The following CCNH variants were observed in gnomAD, a reference collection of about 807,000 sequenced individuals.
The protein encoded by CCNH is cyclin H, also known as cyclin-H.
A neutral mutation model predicts 41.9 loss-of-function variants in CCNH; 31 were observed. The ratio of observed to expected loss-of-function variants is 0.74; its 90% CI spans 0.56 to 1.00. The LOEUF is 1.00. Among genes scored for constraint, CCNH ranks in the 50% least tolerant of loss-of-function variants. CCNH has a pLI of 0.00. For synonymous variants in CCNH, 138 were observed against 136.1 expected, an observed-to-expected ratio of 1.01 and a Z score of -0.10; for missense variants, 362 against 388.4, an observed-to-expected ratio of 0.93 and a Z score of 0.57.
At chr5:87,315,454 C>T (rs1339801730), downstream of CCNH, among the ~76,000 whole-genome samples, 1 of 152,148 alleles carries the variant, frequency 6.6e-6, no homozygotes, top group Non-Finnish European at 1.5e-5. Flanking sequence ...AGGTAGGCCT[C>T]ACAAAGGCCC....
At chr5:87,377,770 A>G (rs1001251956), upstream of CCNH, among the ~76,000 whole-genome samples, 7 of 152,084 alleles carry the variant, frequency 4.6e-5, no homozygotes, top group African/African-American at 1.7e-4. Flanking sequence ...CACACACACC[A>G]CCAAGCACTT....
chr5:87,411,094 T>C (rs1764199180), intron 2 of CCNH, 130 bp downstream of exon 2: 1 of 872,998 alleles, frequency 1.1e-6, no homozygotes, highest in Non-Finnish European at 1.7e-6. Context: ...GAAAAATATA[T>C]AATGTGCCAA....
At chr5:87,312,610 G>T in the CCNH span, among the ~76,000 whole-genome samples, 1 of 152,142 alleles carries the variant, frequency 6.6e-6, no homozygotes, top group Non-Finnish European at 1.5e-5. Context: ...CTGGGCTAGA[G>T]GTTATCGAAG....
chr5:87,358,358 T>G (rs1759811800), intron 9 of CCNH, among the ~76,000 whole-genome samples: 1 of 152,188 alleles, frequency 6.6e-6, no homozygotes, highest in Non-Finnish European at 1.5e-5. Flanking sequence ...CTCAACAACT[T>G]TACCAAGGTG....
downstream of CCNH, chr5:87,391,973 CCTT>C (rs1762559208): frequency 4.6e-6 from 1 of 216,896 alleles, no homozygotes; most frequent in African/African-American, 2.3e-5. Flanking sequence ...TTTTCTTCCT[CCTT>C]CAGGGGCAGT....
chr5:87,382,405 T>C (rs946559505), intron 9 of CCNH, among the ~76,000 whole-genome samples: 3 of 152,246 alleles, frequency 2.0e-5, no homozygotes, highest in Non-Finnish European at 2.9e-5. Flanking sequence ...TATTAATCTA[T>C]AGAAGGAATT....
intron 9 of CCNH, among the ~76,000 whole-genome samples, chr5:87,328,322 A>ATT (rs11391785): frequency 4.0e-5 from 6 of 151,632 alleles, no homozygotes; most frequent in Admixed American, 6.6e-5. Flanking sequence ...TTCCAGTTGA[A>ATT]TTTTTTTTTA....
At chr5:87,378,304 C>A, upstream of CCNH, 1 of 1,445,164 alleles carries the variant, frequency 6.9e-7, no homozygotes, top group Non-Finnish European at 9.7e-7. Flanking sequence ...GTGGCTATTC[C>A]TGTTGAGGTA....
chr5:87,401,777 TA>T lies in CCNH; in HGVS notation c.690-6del. On this transcript the variant is annotated splice_region_variant and splice_polypyrimidine_tract_variant and intron_variant, in intron 5 of 8. Coordinates refer to ENST00000256897, the MANE Select transcript of CCNH (RefSeq NM_001239.4). ...ATCAGACTCTCTGATAAATAACTAG[TA>T]AAGAAAAGAAAAAAAAATCTATTGA... 6.5e-7 allele frequency: 1 copy of T among 1,540,342 alleles called. No individual in the cohort carries two copies.
chr5:87,369,937 A>C, intron 9 of CCNH: 1 of 1,489,444 alleles, frequency 6.7e-7, no homozygotes, highest in East Asian at 2.3e-5. Context: ...GTATACTTTT[A>C]TGTTAGCCCA....
chr5:87,330,073 TTTTG>T (rs1009709598), intron 9 of CCNH, among the ~76,000 whole-genome samples: 1 of 152,134 alleles, frequency 6.6e-6, no homozygotes, highest in Non-Finnish European at 1.5e-5. Flanking sequence ...TACAATTATA[TTTTG>T]TTTGTTAAGT....
intron 9 of CCNH, chr5:87,346,615 C>T: frequency 5.4e-6 from 6 of 1,105,600 alleles, no homozygotes; most frequent in Non-Finnish European, 8.0e-6. Context: ...TAATTTTGAT[C>T]ATATGATAAC....
intron 9 of CCNH, among the ~76,000 whole-genome samples, chr5:87,350,069 C>T (rs997283722): frequency 6.6e-6 from 1 of 151,782 alleles, no homozygotes; most frequent in African/African-American, 2.4e-5. Context: ...AGTTTAACCC[C>T]TCAGTACCAC....
downstream of CCNH, chr5:87,374,321 G>GT: frequency 6.2e-7 from 1 of 1,601,574 alleles, no homozygotes; most frequent in Non-Finnish European, 8.5e-7. Flanking sequence ...TTGTCTTTGA[G>GT]TAAGTCTTAT....
At chr5:87,401,195 A>ATGGCTGCCAGCTTCCTT (rs1278336080) in intron 6 of CCNH, among the ~76,000 whole-genome samples, 1 of 152,186 alleles carries the variant, frequency 6.6e-6, no homozygotes, top group Admixed American at 6.5e-5. Flanking sequence ...CCAGCTTCCG[A>ATGGCTGCCAGCTTCCTT]TGGCTGCCAG....
chr5:87,331,456 T>C (rs1394964349), intron 9 of CCNH: 1 of 1,613,932 alleles, frequency 6.2e-7, no homozygotes, highest in South Asian at 1.1e-5. Context: ...CAGGGTCCTT[T>C]GTACTTTCAT....
intron 9 of CCNH, among the ~76,000 whole-genome samples, chr5:87,365,978 T>G (rs1289156398): frequency 6.6e-6 from 1 of 152,112 alleles, no homozygotes; most frequent in Non-Finnish European, 1.5e-5. Flanking sequence ...GTTTTCAGTT[T>G]TAGGTGAGAA....
downstream of CCNH, among the ~76,000 whole-genome samples, chr5:87,313,480 T>C (rs1305064194): frequency 6.6e-6 from 1 of 152,224 alleles, no homozygotes; most frequent in East Asian, 1.9e-4. Context: ...TAAGCGATTA[T>C]GACTTTTGAA....
chr5:87,383,580 T>A (rs1028003171), intron 9 of CCNH: 16 of 613,148 alleles, frequency 2.6e-5, no homozygotes, highest in African/African-American at 2.4e-4. Flanking sequence ...GTCTGGGCTT[T>A]CTTTTATTGG....
Sources: allele counts gnomAD v4.1 joint callset (sites outside exome capture counted in the v4.1 genomes callset), GRCh38; gene constraint gnomAD v4.1.1; transcripts MANE v1.5; gene names NCBI Gene and HGNC (gene_info 2026-07-23, HGNC 2026-07-21).